ZNF814: variants seen among roughly 807,000 people sequenced by gnomAD.
ZNF814 encodes zinc finger protein 814.
In ZNF814, 5 loss-of-function variants were observed where a neutral mutation model predicts 7.5. The ratio of observed to expected loss-of-function variants is 0.67; its 90% CI spans 0.35 to 1.40. The LOEUF (loss-of-function observed/expected upper bound fraction) is 1.40, where lower values mean the gene tolerates loss of function less well. Among genes scored for constraint, ZNF814 ranks in the 40% most tolerant of loss-of-function variants. The pLI is 0.04. For missense variants in ZNF814, 962 were observed against 1,018.0 expected, an observed-to-expected ratio of 0.94 and a Z score of 0.75; for synonymous variants, 315 against 340.7, an observed-to-expected ratio of 0.92 and a Z score of 0.83.
intron 1 of ZNF814, among the ~76,000 whole-genome samples, chr19:57,878,974 G>A (rs1296666587): frequency 6.6e-6 from 1 of 152,102 alleles, no homozygotes; most frequent in Non-Finnish European, 1.5e-5. Flanking sequence ...TATAAAAAGA[G>A]AGTTAAATGG....
Position 57,872,449 on chromosome 19 carries a change from G to A in ZNF814, c.*373C>T, listed in dbSNP as rs1330163167. The A allele has an allele frequency of 5.4e-6, 2 of 371,832 alleles. No individual in the cohort carries two copies. The highest frequency in any genetic ancestry group is 9.7e-6 in the Non-Finnish European group (2 of 205,276). The allele number at this position is 371,832 out of a possible 1,614,324, so 23.0% of individuals were successfully genotyped here. On this transcript the variant is annotated 3_prime_UTR_variant, in exon 3 of 3. Transcript: ENST00000435989. ...CTGATCCAGTGTTAACTCTGATCTT[G>A]AAGGAGCAAAGAGGTGTGGCTACAA...
At chr19:57,881,446 T>G (rs1298974826) in intron 1 of ZNF814, among the ~76,000 whole-genome samples, 1 of 147,248 alleles carries the variant, frequency 6.8e-6, no homozygotes, top group Non-Finnish European at 1.5e-5. Flanking sequence ...CACAACCTAC[T>G]GAGACACCAG....
Position 57,872,964 on chromosome 19 carries a change from A to G in ZNF814, c.2426T>C (p.Phe809Ser), listed in dbSNP as rs2071568780. 1.9e-6 allele frequency: 3 copies of G among 1,613,786 alleles called. No individual in the cohort carries two copies. The highest frequency in any genetic ancestry group is 3.3e-5 in the Admixed American group (2 of 59,972). Residue 809 changes from phenylalanine to serine, a missense_variant, in exon 3 of 3, where the codon TTT becomes TCT. Phe to Ser is a radical substitution (Grantham distance 155). Around this residue, in one of 7 missense-constraint regions of ZNF814, gnomAD observed 665 missense variants for 551.4 expected, o/e 1.21. Transcript: ENST00000435989. ...PYECSECGKS[F>S]AESSSLTKHK... Reference sequence around the variant, plus strand: ...TTTAGTGAGACTGGAGCTTTCAGCAAAAGATTTTCCACATTCACTGCACTC... The same window carrying G: ...TTTAGTGAGACTGGAGCTTTCAGCAGAAGATTTTCCACATTCACTGCACTC...
rs1169177557 is a variant in ZNF814 at position 57,872,669 on chromosome 19, C to T, written c.*153G>A. On this transcript the variant is annotated 3_prime_UTR_variant, in exon 3 of 3. Transcript: ENST00000435989. ...TCACTGCACTCATAAGGTGGTGTGACCAGTGTGAACTCTCTTATGAACACA... is the reference window on the plus strand; with the variant it reads ...TCACTGCACTCATAAGGTGGTGTGATCAGTGTGAACTCTCTTATGAACACA... The T allele has an allele frequency of 9.0e-6, 14 of 1,562,440 alleles. No individual in the cohort carries two copies. Among genetic ancestry groups the T allele is most frequent in the Non-Finnish European group, 1.2e-5 (14 of 1,145,898 alleles).
At chr19:57,888,181 T>C (rs1259567635) in intron 1 of ZNF814, among the ~76,000 whole-genome samples, 1 of 152,206 alleles carries the variant, frequency 6.6e-6, no homozygotes, top group Non-Finnish European at 1.5e-5. Flanking sequence ...AACATTTACA[T>C]GTTAAGTATA....
chr19:57,873,009 T>G lies in ZNF814; in HGVS notation c.2381A>C (p.His794Pro). Residue 794 changes from histidine to proline, a missense_variant, in exon 3 of 3, where the codon CAC (histidine) becomes CCC (proline). Physicochemically the swap from His to Pro is moderately conservative, Grantham distance 77. This residue lies in a region of ZNF814 where 665 missense variants were observed against 551.4 expected (regional missense o/e 1.21). Coordinates refer to ENST00000435989, the MANE Select transcript of ZNF814 (RefSeq NM_001144989.2). Reference protein sequence around the residue: ...SSSFTKHKRVHTGEKPYECSE... With the variant: ...SSSFTKHKRVPTGEKPYECSE... ...GCACTCATAAGGCTTTTCTCCAGTG[T>G]GAACTCTTTTGTGTTTTGTGAAACT... 1.9e-6 allele frequency: 3 copies of G among 1,613,976 alleles called. No homozygotes were observed. The African/African-American group carries it at 4.0e-5, about 22-fold the overall frequency.
In ZNF814 at chr19:57,872,847, C is replaced by G; in HGVS notation, c.2543G>C (p.Ser848Thr). Residue 848 changes from serine to threonine, a missense_variant, in exon 3 of 3, where the codon AGT becomes ACT. By Grantham distance (58) the Ser-to-Thr change is moderately conservative (BLOSUM62 1). Transcript: ENST00000435989. ...NKKSHLLVHQ[S>T]SHWRKAI ...TCATATGGCTTTTCTCCAGTGTGAA[C>G]TCTGGTGTACAAGGAGGTGAGACTT... 1.2e-6 allele frequency: 2 copies of G among 1,611,952 alleles called. No homozygotes were observed. Among genetic ancestry groups the G allele is most frequent in the Non-Finnish European group, 1.7e-6 (2 of 1,179,144 alleles).
In ZNF814 at chr19:57,872,716, T is replaced by C. The variant is rs562254756; in HGVS notation, c.*106A>G. On this transcript the variant is annotated 3_prime_UTR_variant, in exon 3 of 3. Transcript: ENST00000435989. ...CACAGAATGCAGAGCTGTGGGTAGA[T>C]GACTTCCCACAATCACTGCATTCAT... The C allele has an allele frequency of 9.1e-5, 146 of 1,606,664 alleles. 1 individual carries two copies. In the African/African-American group the frequency reaches 9.5e-4, roughly 10 times the overall value.
At chr19:57,884,624 A>T (rs2071674503) in intron 1 of ZNF814, among the ~76,000 whole-genome samples, 1 of 151,552 alleles carries the variant, frequency 6.6e-6, no homozygotes, top group South Asian at 2.1e-4. Flanking sequence ...TCTCAAAAAT[A>T]CAAACAAAAG....
chr19:57,884,117 T>C (rs560490143), intron 1 of ZNF814, among the ~76,000 whole-genome samples: 26 of 152,236 alleles, frequency 1.7e-4, no homozygotes, highest in Non-Finnish European at 3.8e-4. Context: ...ATTGGACTAA[T>C]GGCATCAGAT....
At position 57,874,168 on chromosome 19, in the gene ZNF814, A is replaced by C. The variant is rs757915353; in HGVS notation, c.1222T>G (p.Tyr408Asp). The C allele has an allele frequency of 1.6e-5, 26 of 1,582,904 alleles. No homozygotes were observed. In the South Asian group the frequency reaches 2.9e-4, roughly 18 times the overall value. Reference sequence around the variant, plus strand: ...GATTTCCCACATTCTCCACATTCATAATGTTTTTTGTCAGTGTGAACTCTC... The same window carrying C: ...GATTTCCCACATTCTCCACATTCATCATGTTTTTTGTCAGTGTGAACTCTC... ...HQRVHTDKKH[Y>D]ECGECGKSFS... Residue 408 changes from tyrosine to aspartate, a missense_variant, in exon 3 of 3, where the codon TAT becomes GAT. This residue lies in a region of ZNF814 where 665 missense variants were observed against 551.4 expected (regional missense o/e 1.21). Coordinates refer to ENST00000435989, the MANE Select transcript of ZNF814 (RefSeq NM_001144989.2).
chr19:57,884,501 C>T (rs2071673584), intron 1 of ZNF814, among the ~76,000 whole-genome samples: 1 of 152,074 alleles, frequency 6.6e-6, no homozygotes, highest in Non-Finnish European at 1.5e-5. Flanking sequence ...TGTGGTGGTC[C>T]CTGCCACTTG....
intron 1 of ZNF814, among the ~76,000 whole-genome samples, chr19:57,880,888 G>A (rs2071648246): frequency 6.6e-6 from 1 of 151,858 alleles, no homozygotes; most frequent in Admixed American, 6.5e-5. Flanking sequence ...AAAGTGCTGG[G>A]ATTACAGGCG....
the ZNF814 span, among the ~76,000 whole-genome samples, chr19:57,903,169 C>G: frequency 1.7e-4 from 26 of 152,254 alleles, no homozygotes; most frequent in African/African-American, 5.3e-4. Flanking sequence ...TAACTGAGAT[C>G]CTTACAAAAC....
the ZNF814 span, among the ~76,000 whole-genome samples, chr19:57,901,983 T>C: frequency 6.6e-6 from 1 of 152,076 alleles, no homozygotes; most frequent in African/African-American, 2.4e-5. Flanking sequence ...AATGAATATA[T>C]CAATAGGATA....
chr19:57,895,520 C>G, the ZNF814 span, among the ~76,000 whole-genome samples: 2 of 152,172 alleles, frequency 1.3e-5, no homozygotes, highest in African/African-American at 4.8e-5. Flanking sequence ...AGGCAATCCG[C>G]CCGCCTCGGC....
At chr19:57,887,660 T>G (rs1227957733) in intron 1 of ZNF814, among the ~76,000 whole-genome samples, 1 of 152,142 alleles carries the variant, frequency 6.6e-6, no homozygotes, top group Admixed American at 6.6e-5. Context: ...TTACAAGACA[T>G]TAAGGACTCC....
rs2071717151 is a variant in ZNF814 at position 57,889,007 on chromosome 19, T to C, written c.-205A>G. On this transcript the variant is annotated 5_prime_UTR_variant, in exon 1 of 3. Transcript: ENST00000435989. Reference sequence around the variant, plus strand: ...TGCGGACCTAGCGCTCAGGAGCCTCTCCTACAAATAAATCCAACACCAATC... The same window carrying C: ...TGCGGACCTAGCGCTCAGGAGCCTCCCCTACAAATAAATCCAACACCAATC... The C allele has an allele frequency of 3.4e-6, 2 of 580,878 alleles. No homozygotes were observed. The highest frequency in any genetic ancestry group is 6.0e-5 in the Admixed American group (2 of 33,190). 36.0% of individuals were successfully genotyped at this position (580,878 alleles called of 1,614,324 possible). A position where few individuals can be genotyped will look rare whatever the true frequency, so the allele number is the denominator to read the frequency against.
chr19:57,905,022 G>C, the ZNF814 span, among the ~76,000 whole-genome samples: 1 of 145,994 alleles, frequency 6.8e-6, no homozygotes, highest in Non-Finnish European at 1.5e-5. Flanking sequence ...ACTCCAGCCT[G>C]GGCAACAAGA....
Sources: allele counts gnomAD v4.1 joint callset (sites outside exome capture counted in the v4.1 genomes callset), GRCh38; gene constraint gnomAD v4.1.1; regional missense constraint gnomAD v4.1.1; transcripts MANE v1.5; gene names NCBI Gene and HGNC (gene_info 2026-07-23, HGNC 2026-07-21).